The following BORA variants were observed in gnomAD, a reference collection of about 807,000 sequenced individuals.
BORA encodes the protein BORA aurora kinase A activator.
In BORA, 26 loss-of-function variants were observed where a neutral mutation model predicts 55.8. The ratio of observed to expected loss-of-function variants is 0.47; its 90% CI spans 0.34 to 0.65. The LOEUF is 0.65. Among genes scored for constraint, BORA ranks in the 30% least tolerant of loss-of-function variants. The pLI, the probability that BORA is intolerant of heterozygous loss-of-function variation, is 0.01. For missense variants in BORA, 568 were observed against 671.5 expected, an observed-to-expected ratio of 0.85 and a Z score of 1.70; for synonymous variants, 201 against 216.9, an observed-to-expected ratio of 0.93 and a Z score of 0.64.
In BORA at chr13:72,753,784, G is replaced by A; in HGVS notation, c.1577G>A (p.Cys526Tyr). The A allele has an allele frequency of 2.5e-6, 4 of 1,613,418 alleles. No individual in the cohort carries two copies. The highest frequency in any genetic ancestry group is 3.4e-6 in the Non-Finnish European group (4 of 1,179,518). The change falls in exon 11 of 12, where the codon TGT becomes TAT. Residue 526 changes from cysteine (C) to tyrosine (Y), a missense_variant. Transcript: ENST00000390667. ...SYCKESDAQT[C>Y]EVESKSQAFN... Reference sequence around the variant, plus strand: ...TGCAAAGAAAGTGATGCACAAACATGTGAAGTTGAGAGTAAATCTCAAGCA... The same window carrying A: ...TGCAAAGAAAGTGATGCACAAACATATGAAGTTGAGAGTAAATCTCAAGCA...
intron 5 of BORA, among the ~76,000 whole-genome samples, chr13:72,741,423 T>C (rs147136710): frequency 1.1e-4 from 16 of 152,378 alleles, no homozygotes; most frequent in African/African-American, 3.6e-4. Flanking sequence ...AAAATGTCTA[T>C]TTGTAATTCA....
Position 72,728,935 on chromosome 13 carries a change from T to A in BORA, c.-6T>A. On this transcript the variant is annotated 5_prime_UTR_variant, in exon 2 of 12. Coordinates refer to ENST00000390667, the MANE Select transcript of BORA (RefSeq NM_024808.5). Reference sequence around the variant, plus strand: ...CTTGATTTCTTTTTAGTTTTCTCTCTGTGCTATGGGAGATGTCAAGGAATC... The same window carrying A: ...CTTGATTTCTTTTTAGTTTTCTCTCAGTGCTATGGGAGATGTCAAGGAATC... 2 of 1,573,984 alleles carry A rather than the reference T, an allele frequency of 1.3e-6. No individual in the cohort carries two copies. The highest frequency in any genetic ancestry group is 1.7e-4 in the Middle Eastern group (1 of 5,832).
At position 72,727,936 on chromosome 13, in the gene BORA, C is replaced by T; in HGVS notation, c.-87C>T. On this transcript the variant is annotated 5_prime_UTR_variant, in exon 1 of 12. Coordinates refer to ENST00000390667, the MANE Select transcript of BORA (RefSeq NM_024808.5). ...AAGCGGGGAGTTAAAGAGTCTATGC[C>T]TGTCGTGGAAGCTGGCCTGGCCCCC... The T allele has an allele frequency of 6.4e-7, 1 of 1,550,660 alleles. No homozygotes were observed. The highest frequency in any genetic ancestry group is 8.7e-7 in the Non-Finnish European group (1 of 1,147,010).
At chr13:72,734,726 T>C (rs543122252) in intron 3 of BORA, among the ~76,000 whole-genome samples, 238 of 152,300 alleles carry the variant, frequency 1.6e-3, no homozygotes, top group African/African-American at 5.4e-3. Context: ...TATCATTGCA[T>C]TCAAACTTTG....
At chr13:72,743,688 C>A in intron 6 of BORA, 86 bp downstream of exon 6, 2 of 933,198 alleles carry the variant, frequency 2.1e-6, no homozygotes, top group Non-Finnish European at 3.2e-6. Context: ...TAACACTTTA[C>A]TCTGGAATTG....
At chr13:72,744,002 G>A (rs2033090432) in intron 6 of BORA, among the ~76,000 whole-genome samples, 1 of 151,630 alleles carries the variant, frequency 6.6e-6, no homozygotes, top group Middle Eastern at 3.4e-3. Flanking sequence ...CCCCCAAAGT[G>A]CTAGGATTAC....
chr13:72,746,014 C>T lies in BORA; in HGVS notation c.809C>T (p.Ser270Leu), dbSNP rs201970651. The change falls in exon 9 of 12, where the codon TCG (serine) becomes TTG (leucine). Residue 270 changes from serine (S) to leucine (L), a missense_variant. Ser to Leu is a moderately radical substitution (Grantham distance 145). Transcript: ENST00000390667. ...AGCTTGGGAAGCATAACTAGTCCTTCGCCTATTTCTTCACCCACTTTCTCA... is the reference window on the plus strand; with the variant it reads ...AGCTTGGGAAGCATAACTAGTCCTTTGCCTATTTCTTCACCCACTTTCTCA... The part of the protein sequence containing the change: ...KYSLGSITSP[S>L]PISSPTFSPI... 9.3e-6 allele frequency: 15 copies of T among 1,612,324 alleles called. No homozygotes were observed. The highest frequency in any genetic ancestry group is 6.7e-5 in the East Asian group (3 of 44,814).
At chr13:72,746,140 GTTCTT>G in intron 9 of BORA, 64 bp downstream of exon 9, 3 of 1,414,306 alleles carry the variant, frequency 2.1e-6, no homozygotes, top group Non-Finnish European at 2.9e-6. Context: ...TATTAGAGAG[GTTCTT>G]TTAATTTGTC....
intron 10 of BORA, among the ~76,000 whole-genome samples, chr13:72,751,025 A>T (rs2033261280): frequency 1.3e-5 from 2 of 152,192 alleles, no homozygotes; most frequent in South Asian, 4.1e-4. Context: ...CAGCTCTGTT[A>T]GCTTTATAAA....
At position 72,756,195 on chromosome 13, in the gene BORA, A is replaced by G. The variant is rs1488708071; in HGVS notation, c.*979A>G. ...AAAGGGAATAAAGACCTGTGTTATC[A>G]ATGTGTCATTTTCTTCTTTCCTCCA... On this transcript the variant is annotated 3_prime_UTR_variant, in exon 12 of 12. Transcript: ENST00000390667. 5 of 49,318 alleles carry G rather than the reference A, an allele frequency of 1.0e-4. No individual in the cohort carries two copies. The highest frequency in any genetic ancestry group is 1.6e-4 in the Non-Finnish European group (5 of 30,482). 3.1% of individuals were successfully genotyped at this position (49,318 alleles called of 1,614,324 possible).
chr13:72,732,711 A>C (rs915316691), intron 3 of BORA, among the ~76,000 whole-genome samples: 1 of 152,164 alleles, frequency 6.6e-6, no homozygotes, highest in Non-Finnish European at 1.5e-5. Flanking sequence ...TAAATAAATA[A>C]TACCTTTGAA....
At chr13:72,743,685 T>C (rs2033082815) in intron 6 of BORA, 83 bp downstream of exon 6, 3 of 1,006,410 alleles carry the variant, frequency 3.0e-6, no homozygotes, top group Non-Finnish European at 4.3e-6. Context: ...TAGTAACACT[T>C]TACTCTGGAA....
In BORA at chr13:72,753,723, A is replaced by G; in HGVS notation, c.1516A>G (p.Ser506Gly). 6.2e-7 allele frequency: 1 copy of G among 1,613,482 alleles called. No individual in the cohort carries two copies. Among genetic ancestry groups the G allele is most frequent in the Non-Finnish European group, 8.5e-7 (1 of 1,179,654 alleles). The change falls in exon 11 of 12, where the codon AGC (serine) becomes GGC (glycine). Residue 506 changes from serine to glycine, a missense_variant. Coordinates refer to ENST00000390667, the MANE Select transcript of BORA (RefSeq NM_024808.5). ...DSGYNTQNCG[S>G]NIMDTVGAES... ...TGGCTATAATACGCAGAATTGTGGA[A>G]GCAATATTATGGATACAGTTGGGGC...
intron 10 of BORA, among the ~76,000 whole-genome samples, chr13:72,750,535 G>A (rs904109864): frequency 1.2e-4 from 18 of 152,030 alleles, no homozygotes; most frequent in Admixed American, 6.6e-4. Flanking sequence ...AGACCTTGGC[G>A]ATGACCTTGA....
At chr13:72,755,026 C>A in intron 11 of BORA, 125 bp from the exon 12 acceptor site, 1 of 711,472 alleles carries the variant, frequency 1.4e-6, no homozygotes, top group South Asian at 1.8e-5. Context: ...AATACTGTAT[C>A]TTTACTGTCC....
intron 10 of BORA, among the ~76,000 whole-genome samples, chr13:72,748,373 G>A (rs867897407): frequency 2.0e-5 from 3 of 152,040 alleles, no homozygotes; most frequent in Non-Finnish European, 2.9e-5. Context: ...TAGCTAATAC[G>A]CACATAGTGT....
intron 5 of BORA, among the ~76,000 whole-genome samples, chr13:72,741,051 G>C (rs956369233): frequency 1.3e-5 from 2 of 152,200 alleles, no homozygotes; most frequent in Non-Finnish European, 2.9e-5. Flanking sequence ...GCTTGTGCTG[G>C]TAGCATTTAC....
intron 9 of BORA, 107 bp downstream of exon 9, chr13:72,746,183 A>AACTTT: frequency 9.4e-7 from 1 of 1,059,738 alleles, no homozygotes; most frequent in Non-Finnish European, 1.4e-6. Context: ...AATGATCACT[A>AACTTT]ACCTTCTAAC....
chr13:72,756,007 T>C lies in BORA; in HGVS notation c.*791T>C. Reference sequence around the variant, plus strand: ...GTGGAGTTCCCGTAGGGCATAGGCCTGTGAAGTAACACTGGGGCAGATATG... The same window carrying C: ...GTGGAGTTCCCGTAGGGCATAGGCCCGTGAAGTAACACTGGGGCAGATATG... On this transcript the variant is annotated 3_prime_UTR_variant, in exon 12 of 12. Coordinates refer to ENST00000390667, the MANE Select transcript of BORA (RefSeq NM_024808.5). 2 of 398,502 alleles carry C rather than the reference T, an allele frequency of 5.0e-6. No homozygotes were observed. Among genetic ancestry groups the C allele is most frequent in the African/African-American group, 4.1e-5 (2 of 48,754 alleles). The allele number at this position is 398,502 out of a possible 1,614,324, so 24.7% of individuals were successfully genotyped here. A position where few individuals can be genotyped will look rare whatever the true frequency, so the allele number is the denominator to read the frequency against.
Sources: allele counts gnomAD v4.1 joint callset (sites outside exome capture counted in the v4.1 genomes callset), GRCh38; gene constraint gnomAD v4.1.1; transcripts MANE v1.5; gene names NCBI Gene and HGNC (gene_info 2026-07-23, HGNC 2026-07-21).